The following FMN1 variants were observed in gnomAD, a reference collection of about 807,000 sequenced individuals.
The protein encoded by FMN1 is formin 1.
FMN1 carries 110 observed loss-of-function variants against 132.4 expected under a neutral mutation model. That is an observed-to-expected ratio of 0.83 (90% CI 0.71 to 0.97). FMN1 has a LOEUF of 0.97. Among genes scored for constraint, FMN1 ranks in the 50% least tolerant of loss-of-function variants. The probability of loss-of-function intolerance (pLI) is 0.00; values close to 1 mark genes in which losing one functional copy is unlikely to be tolerated. For missense variants in FMN1, 1,792 were observed against 1,705.3 expected, an observed-to-expected ratio of 1.05 and a Z score of -0.90; for synonymous variants, 722 against 651.7, an observed-to-expected ratio of 1.11 and a Z score of -1.64.
In FMN1 at chr15:32,990,310, G is replaced by A. The variant is rs1294391942; in HGVS notation, c.2223+17704C>T. ...AGCAAAGAAGATAGAGAAGCACACC[G>A]TGAGGAAGAAGAAAAAAACTGCAGA... On this transcript the variant is annotated intron_variant, in intron 7 of 20. Transcript: ENST00000616417. 3.3e-5 allele frequency among the ~76,000 whole-genome samples: 5 copies of A among 152,102 alleles called. No homozygotes were observed. In the East Asian group the frequency reaches 7.7e-4, roughly 23 times the overall value.
intron 16 of FMN1, among the ~76,000 whole-genome samples, chr15:32,880,270 T>C (rs1173538133): frequency 6.6e-6 from 1 of 152,198 alleles, no homozygotes; most frequent in African/African-American, 2.4e-5. Context: ...CATTTCCTCT[T>C]TCTCTCACAC....
chr15:32,922,019 C>T (rs1355738953), intron 10 of FMN1, among the ~76,000 whole-genome samples: 3 of 152,182 alleles, frequency 2.0e-5, no homozygotes, highest in African/African-American at 4.8e-5. Flanking sequence ...GTGATGACCA[C>T]TATTTCATCC....
intron 6 of FMN1, among the ~76,000 whole-genome samples, chr15:33,015,272 C>T (rs962805728): frequency 6.6e-6 from 1 of 152,130 alleles, no homozygotes; most frequent in South Asian, 2.1e-4. Context: ...CACTCGTAAA[C>T]TTGGGGTAAC....
intron 12 of FMN1, among the ~76,000 whole-genome samples, chr15:32,905,210 G>A (rs1122090): frequency 0.096 from 14,684 of 152,220 alleles, 903 homozygotes; most frequent in African/African-American, 0.17. Flanking sequence ...CAGCTGACGG[G>A]TGGAATGAAG....
At chr15:32,897,347 T>C (rs1173075629) in intron 15 of FMN1, among the ~76,000 whole-genome samples, 1 of 152,232 alleles carries the variant, frequency 6.6e-6, no homozygotes, top group African/African-American at 2.4e-5. Context: ...AGGTCTGTAC[T>C]TGTCTGGTTA....
chr15:32,820,340 A>G (rs973770516), intron 17 of FMN1, among the ~76,000 whole-genome samples: 19 of 152,192 alleles, frequency 1.2e-4, no homozygotes, highest in African/African-American at 4.6e-4. Flanking sequence ...TTTAACTGCA[A>G]AGAGAGAGGC....
intron 16 of FMN1, among the ~76,000 whole-genome samples, chr15:32,867,535 G>A (rs1367510153): frequency 1.3e-5 from 2 of 150,930 alleles, no homozygotes; most frequent in African/African-American, 4.9e-5. Flanking sequence ...ACGGAGTCTC[G>A]CTCTTTCACC....
At chr15:33,038,439 A>G (rs1300538066) in intron 6 of FMN1, among the ~76,000 whole-genome samples, 1 of 152,180 alleles carries the variant, frequency 6.6e-6, no homozygotes, top group Non-Finnish European at 1.5e-5. Flanking sequence ...AATTCATTGA[A>G]AAGTAACACA....
chr15:32,990,258 G>C (rs539531540), intron 7 of FMN1, among the ~76,000 whole-genome samples: 2 of 152,222 alleles, frequency 1.3e-5, no homozygotes, highest in East Asian at 3.9e-4. Flanking sequence ...ACAATTTGGC[G>C]TGCTGCAGAG....
chr15:32,863,446 T>TA (rs1481403041), intron 16 of FMN1, among the ~76,000 whole-genome samples: 6 of 151,924 alleles, frequency 3.9e-5, no homozygotes, highest in African/African-American at 1.5e-4. Context: ...AATAAATAAA[T>TA]AAATAAAATA....
At chr15:32,950,599 C>G (rs1269029976) in intron 9 of FMN1, among the ~76,000 whole-genome samples, 1 of 152,086 alleles carries the variant, frequency 6.6e-6, no homozygotes, top group Non-Finnish European at 1.5e-5. Context: ...CAGAAAACCA[C>G]ATACTACATT....
chr15:33,033,803 A>ATT (rs1329849580), intron 6 of FMN1, among the ~76,000 whole-genome samples: 1 of 152,120 alleles, frequency 6.6e-6, no homozygotes, highest in East Asian at 1.9e-4. Context: ...CATTGAGAAG[A>ATT]TCACAGTATT....
At chr15:32,830,015 T>C (rs1017279332) in intron 17 of FMN1, among the ~76,000 whole-genome samples, 1 of 152,212 alleles carries the variant, frequency 6.6e-6, no homozygotes, top group African/African-American at 2.4e-5. Context: ...GGATTACTTA[T>C]ATCTGCAACT....
intron 4 of FMN1, among the ~76,000 whole-genome samples, chr15:33,127,668 C>G (rs1963226727): frequency 6.6e-6 from 1 of 152,194 alleles, no homozygotes; most frequent in African/African-American, 2.4e-5. Flanking sequence ...GAAGCTTCCA[C>G]TTGGGGCTGT....
intron 6 of FMN1, among the ~76,000 whole-genome samples, chr15:33,015,910 T>C (rs912294882): frequency 1.3e-5 from 2 of 152,196 alleles, no homozygotes; most frequent in African/African-American, 2.4e-5. Context: ...TCCCAGATAG[T>C]GTTGATCGGA....
chr15:33,073,125 G>T (rs1323173310), intron 5 of FMN1, among the ~76,000 whole-genome samples: 3 of 152,088 alleles, frequency 2.0e-5, no homozygotes, highest in Admixed American at 1.3e-4. Context: ...TTCTCTAAGG[G>T]CCCCCTTACT....
At chr15:32,908,223 G>A (rs547194781) in intron 12 of FMN1, 2 of 372,268 alleles carry the variant, frequency 5.4e-6, no homozygotes, top group Non-Finnish European at 9.9e-6. Flanking sequence ...TTTAGTCTAG[G>A]AGGAATTAAC....
At chr15:33,188,868 G>A (rs930350403) in intron 2 of FMN1, among the ~76,000 whole-genome samples, 3 of 152,050 alleles carry the variant, frequency 2.0e-5, no homozygotes, top group African/African-American at 7.2e-5. Context: ...GTGACCTTGG[G>A]CAAGTCACTT....
chr15:33,034,250 C>T (rs1021829336), intron 6 of FMN1, among the ~76,000 whole-genome samples: 1 of 152,094 alleles, frequency 6.6e-6, no homozygotes, highest in African/African-American at 2.4e-5. Context: ...ACATGCTCCA[C>T]CCACGGTCAT....
Sources: gnomAD v4.1 joint callset for allele counts (sites outside exome capture counted in the v4.1 genomes callset) on GRCh38, gnomAD v4.1.1 for gene constraint, MANE v1.5 for transcripts, NCBI Gene and HGNC (gene_info 2026-07-23, HGNC 2026-07-21) for gene names.